Variants in DIPK1A observed in about 807,000 individuals in gnomAD.
DIPK1A encodes divergent protein kinase domain 1A.
DIPK1A carries 27 observed loss-of-function variants against 40.8 expected under a neutral mutation model. That is an observed-to-expected ratio of 0.66 (90% confidence interval 0.49 to 0.91). The LOEUF (loss-of-function observed/expected upper bound fraction) is 0.91. Among genes scored for constraint, DIPK1A ranks in the 40% least tolerant of loss-of-function variants. The pLI, the probability that DIPK1A is intolerant of heterozygous loss-of-function variation, is 0.00. For synonymous variants in DIPK1A, 166 were observed against 171.3 expected, an observed-to-expected ratio of 0.97 and a Z score of 0.24; for missense variants, 412 against 505.7, an observed-to-expected ratio of 0.81 and a Z score of 1.78.
chr1:92,948,757 G>GTA (rs1254148130), intron 1 of DIPK1A, among the ~76,000 whole-genome samples: 14 of 128,758 alleles, frequency 1.1e-4, no homozygotes, highest in African/African-American at 3.8e-4. Context: ...ACATATATAT[G>GTA]TATATATATG....
chr1:92,921,522 T>C (rs1037892030), intron 1 of DIPK1A, among the ~76,000 whole-genome samples: 55 of 152,122 alleles, frequency 3.6e-4, no homozygotes, highest in Non-Finnish European at 7.6e-4. Context: ...ATAAGACAAT[T>C]TGCTACATCC....
At chr1:92,890,389 G>C (rs960417275) in intron 1 of DIPK1A, among the ~76,000 whole-genome samples, 1 of 152,158 alleles carries the variant, frequency 6.6e-6, no homozygotes, top group Admixed American at 6.5e-5. Flanking sequence ...TCCTGGTCTT[G>C]TTCCAGATCT....
At chr1:92,875,005 C>CT (rs1302574771) in intron 2 of DIPK1A, among the ~76,000 whole-genome samples, 2 of 152,074 alleles carry the variant, frequency 1.3e-5, no homozygotes, top group East Asian at 3.8e-4. Context: ...TGAACCTTGA[C>CT]TTAGGACTCT....
intron 2 of DIPK1A, 91 bp from the exon 3 acceptor site, chr1:92,851,046 T>C: frequency 1.2e-6 from 1 of 815,110 alleles, no homozygotes; most frequent in Admixed American, 2.9e-5. Context: ...GAGTAAGTTC[T>C]ATGACAAAAA....
At chr1:92,893,075 T>G (rs1648974627) in intron 1 of DIPK1A, among the ~76,000 whole-genome samples, 1 of 151,950 alleles carries the variant, frequency 6.6e-6, no homozygotes, top group African/African-American at 2.4e-5. Context: ...TGGAAAACAC[T>G]CTGCAGGATA....
chr1:92,890,084 A>G (rs1648792128), intron 1 of DIPK1A, among the ~76,000 whole-genome samples: 1 of 151,980 alleles, frequency 6.6e-6, no homozygotes, highest in Admixed American at 6.6e-5. Flanking sequence ...GTTATTGTAA[A>G]TGGGATTTCT....
intron 2 of DIPK1A, among the ~76,000 whole-genome samples, chr1:92,873,060 G>A (rs1647949297): frequency 6.6e-6 from 1 of 152,116 alleles, no homozygotes; most frequent in East Asian, 1.9e-4. Context: ...CCCTGCCCAT[G>A]CCCAGAATCA....
intron 1 of DIPK1A, among the ~76,000 whole-genome samples, chr1:92,923,043 A>T (rs1445350982): frequency 6.6e-6 from 1 of 151,754 alleles, no homozygotes; most frequent in Non-Finnish European, 1.5e-5. Flanking sequence ...TTATATCTTC[A>T]CTGCTATTTC....
intron 4 of DIPK1A, chr1:92,835,372 GC>G (rs1687076995): frequency 4.4e-6 from 1 of 228,160 alleles, no homozygotes; most frequent in African/African-American, 2.3e-5. Context: ...GAGAATCTTG[GC>G]TAGGCGCGGT....
chr1:92,890,960 C>G (rs957822980), intron 1 of DIPK1A, among the ~76,000 whole-genome samples: 1 of 152,012 alleles, frequency 6.6e-6, no homozygotes, highest in African/African-American at 2.4e-5. Flanking sequence ...TGATAGGAAA[C>G]ATTTTATTAC....
At chr1:92,913,610 C>T (rs914368899) in intron 1 of DIPK1A, among the ~76,000 whole-genome samples, 6 of 152,152 alleles carry the variant, frequency 3.9e-5, no homozygotes, top group African/African-American at 1.2e-4. Flanking sequence ...CTTCTTGCTC[C>T]ATGAGCTGTA....
downstream of DIPK1A, among the ~76,000 whole-genome samples, chr1:92,840,106 ACCT>A (rs1687292237): frequency 6.7e-6 from 1 of 149,728 alleles, no homozygotes; most frequent in South Asian, 2.1e-4. Context: ...TGCAGCCTTG[ACCT>A]CCTGGACTCA....
At chr1:92,877,288 G>T in intron 1 of DIPK1A, 1 of 243,532 alleles carries the variant, frequency 4.1e-6, no homozygotes, top group Non-Finnish European at 6.6e-6. Context: ...TTTTGAGTCT[G>T]TAGCACCCAT....
chr1:92,835,660 C>CAAAAAA (rs11417383), intron 4 of DIPK1A, among the ~76,000 whole-genome samples: 1 of 123,400 alleles, frequency 8.1e-6, no homozygotes, highest in South Asian at 2.7e-4. Flanking sequence ...AACTGTGTCT[C>CAAAAAA]AAAAAAAAAA....
At chr1:92,861,603 AGGC>A (rs1400011263) in intron 2 of DIPK1A, among the ~76,000 whole-genome samples, 1 of 152,084 alleles carries the variant, frequency 6.6e-6, no homozygotes, top group East Asian at 1.9e-4. Flanking sequence ...CTGGGATTAC[AGGC>A]GTGAGCTGCT....
intron 2 of DIPK1A, among the ~76,000 whole-genome samples, chr1:92,860,364 G>A (rs1192793229): frequency 1.3e-5 from 2 of 152,026 alleles, no homozygotes; most frequent in African/African-American, 2.4e-5. Flanking sequence ...AAGAGACCAC[G>A]TACTGAGAAT....
intron 1 of DIPK1A, among the ~76,000 whole-genome samples, chr1:92,907,591 C>T (rs1028621548): frequency 3.3e-5 from 5 of 151,896 alleles, no homozygotes; most frequent in Non-Finnish European, 7.4e-5. Flanking sequence ...AGGTGTACCC[C>T]GCTATGCCTG....
At chr1:92,850,424 T>C (rs776687148) in intron 3 of DIPK1A, among the ~76,000 whole-genome samples, 15 of 152,240 alleles carry the variant, frequency 9.9e-5, no homozygotes, top group Non-Finnish European at 2.1e-4. Context: ...CTGACATCTA[T>C]AATCCCAGCA....
At chr1:92,836,112 C>A in intron 4 of DIPK1A, 2 of 1,347,132 alleles carry the variant, frequency 1.5e-6, no homozygotes, top group Non-Finnish European at 2.1e-6. Context: ...GTGGTCCTTA[C>A]GGTTATGACA....
Sources: allele counts gnomAD v4.1 joint callset (sites outside exome capture counted in the v4.1 genomes callset), GRCh38; gene constraint gnomAD v4.1.1; transcripts MANE v1.5; gene names NCBI Gene and HGNC (gene_info 2026-07-23, HGNC 2026-07-21).